The following SNX24 variants were observed in gnomAD, a reference collection of about 807,000 sequenced individuals.
SNX24 encodes the protein sorting nexin 24.
A neutral mutation model predicts 28.7 loss-of-function variants in SNX24; 22 were observed. The ratio of observed to expected loss-of-function variants is 0.77; its 90% CI spans 0.55 to 1.10. The LOEUF is 1.10. Among genes scored for constraint, SNX24 ranks in the 50% least tolerant of loss-of-function variants. The pLI, the probability that SNX24 is intolerant of heterozygous loss-of-function variation, is 0.00. For missense variants in SNX24, 221 were observed against 201.1 expected (o/e 1.10, Z -0.60); for synonymous variants, 69 against 71.5 (o/e 0.96, Z 0.18).
intron 1 of SNX24, among the ~76,000 whole-genome samples, chr5:122,893,841 G>A (rs1757086401): frequency 1.3e-5 from 2 of 152,188 alleles, no homozygotes; most frequent in South Asian, 2.1e-4. Context: ...TCAGGAGTTC[G>A]AGACCAGCCT....
At chr5:122,975,810 G>C (rs1409030555) in intron 3 of SNX24, among the ~76,000 whole-genome samples, 3 of 152,154 alleles carry the variant, frequency 2.0e-5, no homozygotes, top group Non-Finnish European at 4.4e-5. Flanking sequence ...GATCTGCAAA[G>C]ATTAAAACAA....
chr5:123,016,047 A>G (rs1762673375), intron 5 of SNX24, among the ~76,000 whole-genome samples: 1 of 152,236 alleles, frequency 6.6e-6, no homozygotes, highest in Non-Finnish European at 1.5e-5. Flanking sequence ...TCATCACAGC[A>G]GGCAACATGG....
At chr5:123,020,014 C>T (rs756095140) in intron 5 of SNX24, among the ~76,000 whole-genome samples, 1 of 152,208 alleles carries the variant, frequency 6.6e-6, no homozygotes, top group African/African-American at 2.4e-5. Flanking sequence ...AATTTCAGCA[C>T]TTCCAAAATG....
At chr5:122,990,991 A>C (rs1452698813) in intron 3 of SNX24, among the ~76,000 whole-genome samples, 1 of 151,612 alleles carries the variant, frequency 6.6e-6, no homozygotes, top group African/African-American at 2.4e-5. Flanking sequence ...CTGCCTCCTA[A>C]GTTCAAGCAA....
intron 1 of SNX24, among the ~76,000 whole-genome samples, chr5:122,933,125 C>T (rs1759032540): frequency 6.6e-6 from 1 of 152,204 alleles, no homozygotes; most frequent in Non-Finnish European, 1.5e-5. Flanking sequence ...TTGATCTCTT[C>T]AGACCTGGCT....
At chr5:122,874,748 T>G (rs2150054932) in intron 1 of SNX24, among the ~76,000 whole-genome samples, 1 of 152,162 alleles carries the variant, frequency 6.6e-6, no homozygotes, top group Admixed American at 6.5e-5. Flanking sequence ...AACTCTGGAG[T>G]TGAGGAAACC....
chr5:123,001,516 T>C, intron 5 of SNX24, 79 bp downstream of exon 5: 1 of 1,037,626 alleles, frequency 9.6e-7, no homozygotes, highest in Admixed American at 2.4e-5. Flanking sequence ...TGTTTCAAGT[T>C]ATGTTTTTCT....
chr5:122,861,969 T>C (rs1432224104), intron 1 of SNX24, among the ~76,000 whole-genome samples: 1 of 152,206 alleles, frequency 6.6e-6, no homozygotes, highest in African/African-American at 2.4e-5. Flanking sequence ...TTCATTTTTG[T>C]GGTTACTTAT....
At chr5:122,929,746 T>C (rs1758866700) in intron 1 of SNX24, among the ~76,000 whole-genome samples, 1 of 152,062 alleles carries the variant, frequency 6.6e-6, no homozygotes, top group African/African-American at 2.4e-5. Flanking sequence ...CATGAAGGCA[T>C]TCTTCTTGGA....
At chr5:122,950,579 T>C (rs1247752036) in intron 3 of SNX24, among the ~76,000 whole-genome samples, 1 of 152,220 alleles carries the variant, frequency 6.6e-6, no homozygotes, top group Non-Finnish European at 1.5e-5. Flanking sequence ...AAGAAGGTTT[T>C]CTTTCAGTAA....
At chr5:123,014,462 G>A (rs565630791) in intron 5 of SNX24, among the ~76,000 whole-genome samples, 1 of 144,078 alleles carries the variant, frequency 6.9e-6, no homozygotes, top group African/African-American at 2.6e-5. Context: ...GATTATAGTT[G>A]TGCGGCCTAT....
intron 1 of SNX24, among the ~76,000 whole-genome samples, chr5:122,848,336 T>C (rs949569780): frequency 2.0e-5 from 3 of 151,680 alleles, no homozygotes; most frequent in Admixed American, 2.0e-4. Flanking sequence ...GTTTAAGGGA[T>C]CCTCCCACCT....
intron 1 of SNX24, among the ~76,000 whole-genome samples, chr5:122,863,591 G>A (rs139116304): frequency 3.2e-4 from 48 of 151,812 alleles, no homozygotes; most frequent in Non-Finnish European, 4.4e-4. Context: ...GGAGTGCAGT[G>A]GTGCAATCAT....
rs146318915 is a variant in SNX24, at chr5:122,897,333, G to A, written c.61-39401G>A. Among the ~76,000 whole-genome samples the A allele has an allele frequency of 5.4e-3, 819 of 151,738 alleles. 4 individuals are homozygous for A. The highest frequency in any genetic ancestry group is 0.011 in the Admixed American group (163 of 15,232). ...TTTTTTATTTTTAAATTTTTTCTTA[G>A]GCTATCATAAGAAAACATGACATCA... On this transcript the variant is annotated intron_variant, in intron 1 of 6. Transcript: ENST00000261369.
At chr5:122,869,853 T>A (rs929153086) in intron 1 of SNX24, among the ~76,000 whole-genome samples, 1 of 151,960 alleles carries the variant, frequency 6.6e-6, no homozygotes, top group Non-Finnish European at 1.5e-5. Context: ...TCTTACCTAG[T>A]ACAGAACTAC....
chr5:122,945,144 GT>G (rs1270537200), intron 2 of SNX24, among the ~76,000 whole-genome samples: 4 of 152,140 alleles, frequency 2.6e-5, no homozygotes, highest in African/African-American at 9.7e-5. Context: ...GCTTCTAGAG[GT>G]CACCTTGGCT....
At position 122,936,788 on chromosome 5, in the gene SNX24, T is replaced by A; in HGVS notation, c.115T>A (p.Tyr39Asn). The part of the protein sequence containing the change: ...NGRKHFVEKR[Y>N]SEFHALHKKL... ...AAGAAAACATTTTGTTGAAAAGAGA[T>A]ACAGCGAATTTCATGCTTTGCACAA... Residue 39 changes from tyrosine to asparagine, a missense_variant, in exon 2 of 7, where the codon TAC becomes AAC. By Grantham distance (143) the Tyr-to-Asn change is moderately radical. Transcript: ENST00000261369. 6.2e-7 allele frequency: 1 copy of A among 1,608,954 alleles called. No homozygotes were observed. Among genetic ancestry groups the A allele is most frequent in the South Asian group, 1.1e-5 (1 of 90,388 alleles).
intron 2 of SNX24, among the ~76,000 whole-genome samples, chr5:122,942,008 G>A (rs1322532027): frequency 1.3e-5 from 2 of 152,168 alleles, no homozygotes; most frequent in Non-Finnish European, 2.9e-5. Flanking sequence ...GGCTACACCT[G>A]TCCACACCCC....
At chr5:122,848,395 CTG>C (rs1026099239) in intron 1 of SNX24, among the ~76,000 whole-genome samples, 41 of 150,880 alleles carry the variant, frequency 2.7e-4, no homozygotes, top group African/African-American at 9.7e-4. Context: ...TGAGCCCGAC[CTG>C]TGTTTGTGTT....
Sources: allele counts gnomAD v4.1 joint callset (sites outside exome capture counted in the v4.1 genomes callset), GRCh38; gene constraint gnomAD v4.1.1; transcripts MANE v1.5; gene names NCBI Gene and HGNC (gene_info 2026-07-23, HGNC 2026-07-21).